Variants in TP63 observed in about 807,000 individuals in gnomAD.
TP63 encodes the protein tumor protein 63.
In TP63, 17 loss-of-function variants were observed where a neutral mutation model predicts 82.8. That is an observed-to-expected ratio of 0.21 (90% CI 0.14 to 0.31). The LOEUF is 0.31. Ranked by LOEUF, TP63 falls within the 10% of genes least tolerant of loss-of-function variation. TP63 has a pLI of 1.00. For missense variants in TP63, 648 were observed against 895.3 expected (o/e 0.72, Z 3.52); for synonymous variants, 330 against 321.7 (o/e 1.03, Z -0.28).
At chr3:189,643,455 T>TAAAAAAA (rs71635306) in intron 1 of TP63, among the ~76,000 whole-genome samples, 3 of 122,972 alleles carry the variant, frequency 2.4e-5, no homozygotes, top group Admixed American at 1.9e-4. Flanking sequence ...TTAAACTGAT[T>TAAAAAAA]AAAAAAAAAA....
At chr3:189,775,220 C>CAAAAAAAAAA (rs56288032) in intron 3 of TP63, among the ~76,000 whole-genome samples, 4 of 93,034 alleles carry the variant, frequency 4.3e-5, no homozygotes, top group Admixed American at 1.2e-4. Context: ...AACTCTGTCT[C>CAAAAAAAAAA]AAAAAAAAAA....
rs79547544 is a variant in TP63, at chr3:189,807,147, G to A, written c.325-1125G>A. ...TGTCGGAAGGTTTTACAAAGGAAAA[G>A]CAACTGTACCATAAGCTGGTTGCCC... On this transcript the variant is annotated intron_variant, in intron 3 of 13. Transcript: ENST00000264731. Among the ~76,000 whole-genome samples, 1,083 of 152,278 alleles carry A rather than the reference G, an allele frequency of 7.1e-3. 8 individuals are homozygous for A. The highest frequency in any genetic ancestry group is 0.024 in the African/African-American group (1,009 of 41,558).
In TP63 at chr3:189,723,763, A is replaced by C. The variant is rs900300804; in HGVS notation, c.63-13977A>C. Among the ~76,000 whole-genome samples the C allele has an allele frequency of 2.6e-5, 4 of 152,222 alleles. No homozygotes were observed. The South Asian group carries it at 8.3e-4, about 32-fold the overall frequency. The stretch of plus-strand genomic sequence containing the variant: ...ACTTATCTACCAGGTATCCTTAAGA[A>C]ATACATTATTCTGGGTAGCTGAGTT... On this transcript the variant is annotated intron_variant, in intron 1 of 13. Coordinates refer to ENST00000264731, the MANE Select transcript of TP63 (RefSeq NM_003722.5).
intron 4 of TP63, among the ~76,000 whole-genome samples, chr3:189,812,167 C>G (rs1727639815): frequency 6.6e-6 from 1 of 152,066 alleles, no homozygotes; most frequent in South Asian, 2.1e-4. Flanking sequence ...TTTAACTTTT[C>G]TGGTTTTACC....
chr3:189,742,248 A>C (rs1203567024), intron 3 of TP63, among the ~76,000 whole-genome samples: 3 of 62,778 alleles, frequency 4.8e-5, no homozygotes, highest in African/African-American at 1.3e-4. Flanking sequence ...CATCCCAAAA[A>C]AAAAAAAAAA....
chr3:189,839,218 A>G (rs1350957936), intron 4 of TP63, among the ~76,000 whole-genome samples: 2 of 152,170 alleles, frequency 1.3e-5, no homozygotes, highest in African/African-American at 4.8e-5. Flanking sequence ...AGGATCTAAA[A>G]TGTCAGAATA....
At chr3:189,771,988 T>A (rs770930726) in intron 3 of TP63, among the ~76,000 whole-genome samples, 3 of 152,206 alleles carry the variant, frequency 2.0e-5, no homozygotes, top group Non-Finnish European at 1.5e-5. Context: ...TGTGCTTTTG[T>A]TTACATGACT....
At chr3:189,776,355 C>T (rs1187693783) in intron 3 of TP63, among the ~76,000 whole-genome samples, 7 of 152,168 alleles carry the variant, frequency 4.6e-5, no homozygotes, top group Admixed American at 4.6e-4. Flanking sequence ...GCGCTTCCTC[C>T]TTTCTCTTCC....
chr3:189,643,027 G>T, intron 1 of TP63, among the ~76,000 whole-genome samples: 1 of 97,560 alleles, frequency 1.0e-5, no homozygotes, highest in African/African-American at 3.1e-5. Context: ...TTTAGATGGA[G>T]TTTTGTTCTT....
At chr3:189,763,042 AG>A (rs1206887893) in intron 3 of TP63, among the ~76,000 whole-genome samples, 3 of 152,148 alleles carry the variant, frequency 2.0e-5, no homozygotes, top group African/African-American at 4.8e-5. Flanking sequence ...AGGCCGAGGC[AG>A]GAGGATAGCT....
intron 4 of TP63, among the ~76,000 whole-genome samples, chr3:189,810,065 G>A (rs2108642824): frequency 6.6e-6 from 1 of 152,154 alleles, no homozygotes; most frequent in Middle Eastern, 3.4e-3. Flanking sequence ...TAATTCTCCG[G>A]TGGCTCATAT....
the TP63 span, among the ~76,000 whole-genome samples, chr3:189,607,629 CTATTA>C: frequency 3.3e-5 from 5 of 151,288 alleles, no homozygotes; most frequent in Admixed American, 2.6e-4. Flanking sequence ...AAATTTGTTT[CTATTA>C]TAAGATTAAA....
At chr3:189,791,205 AGTTT>A (rs952988403) in intron 3 of TP63, among the ~76,000 whole-genome samples, 1 of 152,072 alleles carries the variant, frequency 6.6e-6, no homozygotes, top group African/African-American at 2.4e-5. Context: ...GTCATACCTG[AGTTT>A]GTTTGTCTTT....
chr3:189,737,696 A>G, intron 1 of TP63, 44 bp from the exon 2 acceptor site: 1 of 1,601,852 alleles, frequency 6.2e-7, no homozygotes, highest in Non-Finnish European at 8.6e-7. Context: ...TCAGTGTCAT[A>G]AATACAGAAA....
chr3:189,837,100 T>C (rs1713262927), intron 4 of TP63, among the ~76,000 whole-genome samples: 1 of 152,286 alleles, frequency 6.6e-6, no homozygotes, highest in African/African-American at 2.4e-5. Context: ...TCCAAATATA[T>C]ACTCTTCCCA....
the TP63 span, among the ~76,000 whole-genome samples, chr3:189,620,347 A>C: frequency 5.5e-3 from 833 of 152,170 alleles, 5 homozygotes; most frequent in Non-Finnish European, 7.6e-3. Flanking sequence ...ACATGGTGAA[A>C]CCCCATCTCT....
At chr3:189,723,045 G>A (rs1000523608) in intron 1 of TP63, among the ~76,000 whole-genome samples, 4 of 152,308 alleles carry the variant, frequency 2.6e-5, no homozygotes, top group Admixed American at 2.6e-4. Context: ...CTTGGAGGAA[G>A]GGACAAGGAA....
At chr3:189,613,204 A>C in the TP63 span, among the ~76,000 whole-genome samples, 1 of 151,590 alleles carries the variant, frequency 6.6e-6, no homozygotes, top group Admixed American at 6.6e-5. Context: ...ACCCAGGAGG[A>C]AAAAGTGGTT....
At chr3:189,763,506 C>G (rs1489208474) in intron 3 of TP63, among the ~76,000 whole-genome samples, 1 of 152,080 alleles carries the variant, frequency 6.6e-6, no homozygotes, top group Non-Finnish European at 1.5e-5. Context: ...TTGTTATGGA[C>G]AGGAGACAAT....
Sources: allele counts gnomAD v4.1 joint callset (sites outside exome capture counted in the v4.1 genomes callset), GRCh38; gene constraint gnomAD v4.1.1; transcripts MANE v1.5; gene names NCBI Gene and HGNC (gene_info 2026-07-23, HGNC 2026-07-21).